ZNF287: variants seen among roughly 807,000 people sequenced by gnomAD.
ZNF287 encodes zinc finger protein 287.
In ZNF287, 31 loss-of-function variants were observed where a neutral mutation model predicts 73.7. The observed-to-expected ratio is 0.42, with a 90% CI of 0.32 to 0.57. ZNF287 has a LOEUF of 0.57. ZNF287 is among the 20% of genes least tolerant of loss of function. The pLI, the probability that ZNF287 is intolerant of heterozygous loss-of-function variation, is 0.13. For synonymous variants in ZNF287, 301 were observed against 307.2 expected, an observed-to-expected ratio of 0.98 and a Z score of 0.21; for missense variants, 641 against 909.3, an observed-to-expected ratio of 0.70 and a Z score of 3.79.
At position 16,559,572 on chromosome 17, in the gene ZNF287, A is replaced by AACACACACACACACACAC. The variant is rs148356389; in HGVS notation, c.715+3556_715+3573dup. Among the ~76,000 whole-genome samples the AACACACACACACACACAC allele has an allele frequency of 4.7e-3, 686 of 147,454 alleles. 4 individuals are homozygous for AACACACACACACACACAC. The highest frequency in any genetic ancestry group is 0.017 in the African/African-American group (656 of 39,712). On this transcript the variant is annotated intron_variant, in intron 5 of 5. Transcript: ENST00000395825. Reference sequence around the variant, plus strand: ...TATGAACTCCTGACTTAAAAGAACTAACACACACACACACACACACACACA... The same window carrying AACACACACACACACACAC: ...TATGAACTCCTGACTTAAAAGAACTAACACACACACACACACACACACACACACACACACACACACACA...
At position 16,563,759 on chromosome 17, in the gene ZNF287, C is replaced by A. The variant is rs1190602667; in HGVS notation, c.568G>T (p.Val190Leu). The A allele has an allele frequency of 6.2e-7, 1 of 1,614,042 alleles. No individual in the cohort carries two copies. The highest frequency in any genetic ancestry group is 1.1e-5 in the South Asian group (1 of 91,056). The change falls in exon 4 of 6, where the codon GTG becomes TTG. Residue 190 changes from valine (V) to leucine (L), a missense_variant. This residue lies in a region of ZNF287 where 357 missense variants were observed against 442.4 expected (regional missense o/e 0.81). Coordinates refer to ENST00000395825, the MANE Select transcript of ZNF287 (RefSeq NM_020653.4). ...ACAGTCTTGTATAATTCCTTCTGCACAGGACGCATTAACTCCCAGTCCTCC... is the reference window on the plus strand; with the variant it reads ...ACAGTCTTGTATAATTCCTTCTGCAAAGGACGCATTAACTCCCAGTCCTCC... ...TQEDWELMRP[V>L]QKELYKTVTL... is the part of the protein sequence containing the mutation.
At chr17:16,559,002 A>G in intron 5 of ZNF287, 1 of 152,206 alleles carries the variant, frequency 6.6e-6, no homozygotes, top group Middle Eastern at 3.4e-3. Flanking sequence ...ATAAAATAAA[A>G]TAATAAAATA....
rs1157383985 is a variant in ZNF287, at chr17:16,547,198, T to C, written c.*4658A>G. Among the ~76,000 whole-genome samples, 1 of 152,216 alleles carries C rather than the reference T, an allele frequency of 6.6e-6. No individual in the cohort carries two copies. The highest frequency in any genetic ancestry group is 2.4e-5 in the African/African-American group (1 of 41,442). On this transcript the variant is annotated 3_prime_UTR_variant, in exon 6 of 6. Transcript: ENST00000395825. ...GCATGAAACAGATCCTTAGGATTAA[T>C]ATTTAGATCTTACCAGAAATCTGCC...
At chr17:16,555,199 T>G (rs1006386370) in intron 5 of ZNF287, among the ~76,000 whole-genome samples, 1 of 152,138 alleles carries the variant, frequency 6.6e-6, no homozygotes, top group African/African-American at 2.4e-5. Context: ...ATTTTTTTCC[T>G]TTTTTAAATA....
chr17:16,564,650 A>G (rs1250473343), intron 3 of ZNF287, among the ~76,000 whole-genome samples: 1 of 152,262 alleles, frequency 6.6e-6, no homozygotes, highest in Non-Finnish European at 1.5e-5. Flanking sequence ...TTTTAAAAAT[A>G]TAACAGATAC....
chr17:16,554,991 G>T (rs1351510092), intron 5 of ZNF287, among the ~76,000 whole-genome samples: 1 of 152,034 alleles, frequency 6.6e-6, no homozygotes, highest in African/African-American at 2.4e-5. Context: ...GGTCAAAATG[G>T]CTGAATGTCA....
At position 16,547,385 on chromosome 17, in the gene ZNF287, T is replaced by C. The variant is rs1334138486; in HGVS notation, c.*4471A>G. Among the ~76,000 whole-genome samples the C allele has an allele frequency of 6.6e-6, 1 of 152,222 alleles. No homozygotes were observed. The highest frequency in any genetic ancestry group is 1.5e-5 in the Non-Finnish European group (1 of 68,036). On this transcript the variant is annotated 3_prime_UTR_variant, in exon 6 of 6. Transcript: ENST00000395825. ...GATTAACTGACAAGTTCTATTCCCTTGTAAATTTCCTGATGGCATTGTCAC... is the reference window on the plus strand; with the variant it reads ...GATTAACTGACAAGTTCTATTCCCTCGTAAATTTCCTGATGGCATTGTCAC...
chr17:16,561,898 A>G (rs1286598693), intron 5 of ZNF287, among the ~76,000 whole-genome samples: 1 of 152,320 alleles, frequency 6.6e-6, no homozygotes. Flanking sequence ...TATACATTTG[A>G]TGACACTATT....
chr17:16,560,730 G>A (rs911247137), intron 5 of ZNF287, among the ~76,000 whole-genome samples: 21 of 151,824 alleles, frequency 1.4e-4, no homozygotes, highest in Non-Finnish European at 2.4e-4. Context: ...TTGGCTGGGC[G>A]TGGTGGCTCA....
Position 16,563,223 on chromosome 17 carries a change from A to G in ZNF287, c.638T>C (p.Val213Ala), listed in dbSNP as rs775613118. The G allele has an allele frequency of 1.9e-6, 3 of 1,610,992 alleles. No homozygotes were observed. Among genetic ancestry groups the G allele is most frequent in the East Asian group, 2.2e-5 (1 of 44,850 alleles). Residue 213 changes from valine to alanine, a missense_variant, in exon 5 of 6, where the codon GTG becomes GCG. By Grantham distance (64) the Val-to-Ala change is moderately conservative. Transcript: ENST00000395825. The part of the protein sequence containing the change: ...YWNMVSLGLT[V>A]YRPTVIPILE... ...TATGGGAATCACAGTTGGTCTGTAC[A>G]CTGTAAGTCCTGTTCAGGAGGAATA...
At chr17:16,559,514 C>T (rs946175077) in intron 5 of ZNF287, among the ~76,000 whole-genome samples, 2 of 151,436 alleles carry the variant, frequency 1.3e-5, no homozygotes, top group African/African-American at 4.9e-5. Context: ...AATGGAATAT[C>T]CTTGTGGTGT....
Position 16,547,581 on chromosome 17 carries a change from A to G in ZNF287, c.*4275T>C, listed in dbSNP as rs1054684100. Among the ~76,000 whole-genome samples the G allele has an allele frequency of 6.6e-6, 1 of 152,232 alleles. No homozygotes were observed. Among genetic ancestry groups the G allele is most frequent in the African/African-American group, 2.4e-5 (1 of 41,458 alleles). ...ATTAGGTAACTGATGGCATGAGTGA[A>G]GAGTTGTCTTTATGAAAACCAACTT... is the stretch of plus-strand genomic sequence containing the variant. On this transcript the variant is annotated 3_prime_UTR_variant, in exon 6 of 6. Transcript: ENST00000395825.
intron 5 of ZNF287, among the ~76,000 whole-genome samples, chr17:16,560,738 T>A (rs1907393193): frequency 1.3e-5 from 2 of 150,276 alleles, no homozygotes; most frequent in African/African-American, 2.4e-5. Context: ...GCGTGGTGGC[T>A]CACACCTGTA....
chr17:16,567,550 G>A lies in ZNF287; in HGVS notation c.182C>T (p.Ala61Val). 1 of 1,614,196 alleles carries A rather than the reference G, an allele frequency of 6.2e-7. No individual in the cohort carries two copies. The highest frequency in any genetic ancestry group is 8.5e-7 in the Non-Finnish European group (1 of 1,180,042). The change falls in exon 2 of 6, where the codon GCT becomes GTT. Residue 61 changes from alanine (A) to valine (V), a missense_variant. Coordinates refer to ENST00000395825, the MANE Select transcript of ZNF287 (RefSeq NM_020653.4). Reference protein sequence around the residue: ...NFRNFPYPDLAGPRKALSQLR... With the variant: ...NFRNFPYPDLVGPRKALSQLR... Reference sequence around the variant, plus strand: ...TTGACTCAATGCCTTTCGAGGACCAGCCAGGTCTGGGTATGGAAAATTCCT... The same window carrying A: ...TTGACTCAATGCCTTTCGAGGACCAACCAGGTCTGGGTATGGAAAATTCCT...
chr17:16,548,081 A>C lies in ZNF287; in HGVS notation c.*3775T>G, dbSNP rs2142440435. Among the ~76,000 whole-genome samples the C allele has an allele frequency of 6.6e-6, 1 of 152,356 alleles. No homozygotes were observed. The highest frequency in any genetic ancestry group is 1.9e-4 in the East Asian group (1 of 5,184). ...CACTCAACAAGTGTAGAGTGATAGA[A>C]TTAGAAAATTGTCATTTTGCAAACA... is the stretch of plus-strand genomic sequence containing the variant. On this transcript the variant is annotated 3_prime_UTR_variant, in exon 6 of 6. Coordinates refer to ENST00000395825, the MANE Select transcript of ZNF287 (RefSeq NM_020653.4).
At chr17:16,555,066 TAC>T (rs1198394109) in intron 5 of ZNF287, among the ~76,000 whole-genome samples, 1 of 152,196 alleles carries the variant, frequency 6.6e-6, no homozygotes, top group Non-Finnish European at 1.5e-5. Flanking sequence ...TTTATATGAG[TAC>T]AGTCATGGAT....
At chr17:16,561,118 C>A (rs557485804) in intron 5 of ZNF287, among the ~76,000 whole-genome samples, 9 of 152,190 alleles carry the variant, frequency 5.9e-5, no homozygotes, top group Admixed American at 5.2e-4. Flanking sequence ...GAGTTTGAGA[C>A]CAGCCTGGCC....
chr17:16,552,899 G>C lies in ZNF287; in HGVS notation c.1243C>G (p.Gln415Glu). ...GGTTTTTCTCCAGTGTGCATTCTCT[G>C]ATGTGCAATAAGGGATGAGATATGC... is the stretch of plus-strand genomic sequence containing the variant. ...FRHISSLIAH[Q>E]RMHTGEKPYE... Residue 415 changes from glutamine (Q) to glutamate (E), a missense_variant, in exon 6 of 6, where the codon CAG becomes GAG. By Grantham distance (29) the Gln-to-Glu change is conservative. Coordinates refer to ENST00000395825, the MANE Select transcript of ZNF287 (RefSeq NM_020653.4). The surrounding 1 kb of genome is among the most constrained non-coding windows in gnomAD (Gnocchi z 6.5). 1.2e-6 allele frequency: 2 copies of C among 1,614,138 alleles called. No homozygotes were observed. The highest frequency in any genetic ancestry group is 2.2e-5 in the South Asian group (2 of 91,080).
Position 16,550,109 on chromosome 17 carries a change from A to G in ZNF287, c.*1747T>C, listed in dbSNP as rs184847266. Among the ~76,000 whole-genome samples, 5 of 152,300 alleles carry G rather than the reference A, an allele frequency of 3.3e-5. No individual in the cohort carries two copies. In the East Asian group the frequency reaches 9.6e-4, roughly 29 times the overall value. On this transcript the variant is annotated 3_prime_UTR_variant, in exon 6 of 6. Transcript: ENST00000395825. ...GAATGCTGTAAATATGAAATACAAT[A>G]GTATTTTTATCTATTTCTATTTGCA...
Sources: allele counts gnomAD v4.1 joint callset (sites outside exome capture counted in the v4.1 genomes callset), GRCh38; gene constraint gnomAD v4.1.1; regional missense constraint gnomAD v4.1.1; non-coding constraint Gnocchi (gnomAD v3.1); transcripts MANE v1.5; gene names NCBI Gene and HGNC (gene_info 2026-07-23, HGNC 2026-07-21).